Variants in PLA2G7 observed in about 807,000 individuals in gnomAD.
PLA2G7 encodes platelet-activating factor acetylhydrolase.
Under a neutral mutation model 49.6 loss-of-function variants are expected in PLA2G7, and 63 were observed. The ratio of observed to expected loss-of-function variants is 1.27; its 90% CI spans 1.04 to 1.57. The LOEUF (loss-of-function observed/expected upper bound fraction) is 1.57. PLA2G7 is among the 40% of genes most tolerant of loss of function. The pLI, the probability that PLA2G7 is intolerant of heterozygous loss-of-function variation, is 0.00. For synonymous variants in PLA2G7, 193 were observed against 169.9 expected, an observed-to-expected ratio of 1.14 and a Z score of -1.06; for missense variants, 596 against 521.2, an observed-to-expected ratio of 1.14 and a Z score of -1.40.
At chr6:46,706,256 TC>T (rs1424879273) in intron 10 of PLA2G7, among the ~76,000 whole-genome samples, 2 of 152,336 alleles carry the variant, frequency 1.3e-5, no homozygotes, top group Non-Finnish European at 1.5e-5. Flanking sequence ...AACCCATCAT[TC>T]TTTTAGTCAT....
At chr6:46,721,419 C>T (rs1442845562) in intron 2 of PLA2G7, among the ~76,000 whole-genome samples, 5 of 152,074 alleles carry the variant, frequency 3.3e-5, no homozygotes, top group Middle Eastern at 3.4e-3. Context: ...GATAAAGCAA[C>T]GTCCCTGTCC....
intron 1 of PLA2G7, among the ~76,000 whole-genome samples, chr6:46,731,035 A>T (rs1169365846): frequency 6.6e-6 from 1 of 152,206 alleles, no homozygotes; most frequent in Non-Finnish European, 1.5e-5. Flanking sequence ...TCACGAGCTG[A>T]CATTTCTGCT....
At chr6:46,705,746 G>T (rs1196671409) in intron 10 of PLA2G7, among the ~76,000 whole-genome samples, 1 of 152,196 alleles carries the variant, frequency 6.6e-6, no homozygotes, top group Non-Finnish European at 1.5e-5. Flanking sequence ...AGAGGAAACA[G>T]ATTTCAAACA....
chr6:46,728,042 A>C (rs1259085966), intron 1 of PLA2G7, among the ~76,000 whole-genome samples: 2 of 152,278 alleles, frequency 1.3e-5, no homozygotes, highest in Non-Finnish European at 2.9e-5. Context: ...CATATAAAGT[A>C]ACTGAATGAG....
At chr6:46,734,971 G>A (rs1765873711) in intron 1 of PLA2G7, among the ~76,000 whole-genome samples, 1 of 152,188 alleles carries the variant, frequency 6.6e-6, no homozygotes, top group Non-Finnish European at 1.5e-5. Flanking sequence ...AAGAACTGGT[G>A]TCTAATACCG....
At chr6:46,735,586 G>C (rs1029523243), upstream of PLA2G7, 1 of 152,540 alleles carries the variant, frequency 6.6e-6, no homozygotes, top group Admixed American at 6.5e-5. Context: ...CGCGGAGAGA[G>C]CCAGGCAATG....
intron 1 of PLA2G7, among the ~76,000 whole-genome samples, chr6:46,731,851 G>A (rs998747457): frequency 3.9e-5 from 6 of 152,104 alleles, no homozygotes; most frequent in Non-Finnish European, 8.8e-5. Context: ...ATTCGAGACA[G>A]AGAAACATTA....
chr6:46,717,729 T>C, intron 2 of PLA2G7, among the ~76,000 whole-genome samples: 1 of 148,264 alleles, frequency 6.7e-6, no homozygotes, highest in Non-Finnish European at 1.5e-5. Flanking sequence ...TTTTTTTTTT[T>C]TGAGACAGAG....
rs575321347 is a variant in PLA2G7, at chr6:46,706,693, G to T, written c.1040+1298C>A. Among the ~76,000 whole-genome samples the T allele has an allele frequency of 1.1e-4, 17 of 152,324 alleles. No individual in the cohort carries two copies. In the South Asian group the frequency reaches 2.5e-3, roughly 22 times the overall value. ...CAATGACTAATATTGGCTATTCTTT[G>T]AAGGTTTCTAGCAGAGAAGGGACAA... On this transcript the variant is annotated intron_variant, in intron 10 of 11. Coordinates refer to ENST00000274793, the MANE Select transcript of PLA2G7 (RefSeq NM_005084.4).
At chr6:46,715,013 G>GC (rs1357509941) in intron 4 of PLA2G7, among the ~76,000 whole-genome samples, 8 of 152,100 alleles carry the variant, frequency 5.3e-5, no homozygotes, top group African/African-American at 1.9e-4. Context: ...GGGATTACAG[G>GC]CGTGAGCCAC....
rs147252565 is a variant in PLA2G7 at position 46,709,363 on chromosome 6, G to A, written c.833C>T (p.Thr278Met). 6.2e-5 allele frequency: 99 copies of A among 1,607,400 alleles called. No homozygotes were observed. Among genetic ancestry groups the A allele is most frequent in the African/African-American group, 6.7e-5 (5 of 74,762 alleles). ...AVIGHSFGGA[T>M]VIQTLSEDQR... is the part of the protein sequence containing the mutation. Reference sequence around the variant, plus strand: ...ATCTTCACTAAGAGTCTGAATAACCGTTGCTCCACCAAAAGAATGTCCAAT... The same window carrying A: ...ATCTTCACTAAGAGTCTGAATAACCATTGCTCCACCAAAAGAATGTCCAAT... The change falls in exon 9 of 12, where the codon ACG becomes ATG. Residue 278 changes from threonine (T) to methionine (M), a missense_variant. Coordinates refer to ENST00000274793, the MANE Select transcript of PLA2G7 (RefSeq NM_005084.4).
intron 1 of PLA2G7, among the ~76,000 whole-genome samples, chr6:46,727,095 T>C (rs1765595810): frequency 1.3e-5 from 2 of 152,130 alleles, no homozygotes; most frequent in Admixed American, 6.5e-5. Context: ...ATACATTCCA[T>C]TTAAACGGAT....
chr6:46,722,863 A>T lies in PLA2G7; in HGVS notation c.29T>A (p.Phe10Tyr), dbSNP rs1313801748. MVPPKLHVL[F>Y]CLCGCLAVVY... The stretch of plus-strand genomic sequence containing the variant: ...CACAGCCAGGCAGCCGCAGAGGCAG[A>T]AAAGCACATGCAATTTGGGTGGCAC... Residue 10 changes from phenylalanine (F) to tyrosine (Y), a missense_variant, in exon 2 of 12, where the codon TTC becomes TAC. Physicochemically the swap from Phe to Tyr is conservative, Grantham distance 22 (BLOSUM62 3). Transcript: ENST00000274793. 1 of 1,613,704 alleles carries T rather than the reference A, an allele frequency of 6.2e-7. No individual in the cohort carries two copies. Among genetic ancestry groups the T allele is most frequent in the Admixed American group, 1.7e-5 (1 of 60,010 alleles).
At chr6:46,726,008 G>A (rs1409273364) in intron 1 of PLA2G7, among the ~76,000 whole-genome samples, 1 of 152,218 alleles carries the variant, frequency 6.6e-6, no homozygotes, top group African/African-American at 2.4e-5. Flanking sequence ...CAGCTGTGTA[G>A]AAATATGACT....
chr6:46,732,504 A>G (rs558917120), intron 1 of PLA2G7, among the ~76,000 whole-genome samples: 1 of 152,232 alleles, frequency 6.6e-6, no homozygotes, highest in Non-Finnish European at 1.5e-5. Flanking sequence ...CAGAGAGCAT[A>G]TCTATCTTAC....
At chr6:46,711,648 G>T (rs1765028646) in intron 6 of PLA2G7, 29 bp from the exon 7 acceptor site, 1 of 1,611,022 alleles carries the variant, frequency 6.2e-7, no homozygotes, top group Admixed American at 1.7e-5. Flanking sequence ...TATTATTTAT[G>T]CATGCTCCTT....
At chr6:46,705,967 CTA>C (rs2150690450) in intron 10 of PLA2G7, among the ~76,000 whole-genome samples, 1 of 152,282 alleles carries the variant, frequency 6.6e-6, no homozygotes, top group East Asian at 1.9e-4. Context: ...GCTAACCACT[CTA>C]TGTTCTTCAC....
chr6:46,721,086 G>A (rs897006607), intron 2 of PLA2G7, among the ~76,000 whole-genome samples: 3 of 152,114 alleles, frequency 2.0e-5, no homozygotes, highest in African/African-American at 7.2e-5. Context: ...TGTAGCCCAG[G>A]CTGGAGTGCA....
chr6:46,712,296 C>G lies in PLA2G7; in HGVS notation c.512G>C (p.Gly171Ala). 3 of 1,612,718 alleles carry G rather than the reference C, an allele frequency of 1.9e-6. No homozygotes were observed. The highest frequency in any genetic ancestry group is 1.3e-5 in the African/African-American group (1 of 74,976). The change falls in exon 6 of 12, where the codon GGG becomes GCG. Residue 171 changes from glycine to alanine, a missense_variant. Physicochemically the swap from Gly to Ala is moderately conservative, Grantham distance 60. Transcript: ENST00000274793. ...SAIGIDLASH[G>A]FIVAAVEHRD... ...GTGTTCTACAGCAGCAACTATAAAC[C>G]CATGAGATGCCAGGTCAATGCCAAT...
Sources: allele counts gnomAD v4.1 joint callset (sites outside exome capture counted in the v4.1 genomes callset), GRCh38; gene constraint gnomAD v4.1.1; transcripts MANE v1.5; gene names NCBI Gene and HGNC (gene_info 2026-07-23, HGNC 2026-07-21).